SKAP2: variants seen among roughly 807,000 people sequenced by gnomAD.
SKAP2 encodes src kinase associated phosphoprotein 2.
In SKAP2, 28 loss-of-function variants were observed where a neutral mutation model predicts 54.9. The ratio of observed to expected loss-of-function variants is 0.51; its 90% CI spans 0.38 to 0.70. SKAP2 has a LOEUF of 0.70. SKAP2 is among the 30% of genes least tolerant of loss of function. The pLI, the probability that SKAP2 is intolerant of heterozygous loss-of-function variation, is 0.00. For missense variants in SKAP2, 356 were observed against 424.1 expected, an observed-to-expected ratio of 0.84 and a Z score of 1.41; for synonymous variants, 137 against 134.3, an observed-to-expected ratio of 1.02 and a Z score of -0.14.
intron 6 of SKAP2, among the ~76,000 whole-genome samples, chr7:26,735,826 C>T (rs1262305879): frequency 2.0e-5 from 3 of 152,136 alleles, no homozygotes; most frequent in South Asian, 4.2e-4. Flanking sequence ...GGAAGGAAAT[C>T]GGGATCATGC....
At chr7:26,656,881 T>TCCC in the SKAP2 span, among the ~76,000 whole-genome samples, 1 of 151,992 alleles carries the variant, frequency 6.6e-6, no homozygotes. Flanking sequence ...GCACCTATAC[T>TCCC]CCCAGATTAT....
At chr7:26,669,826 G>A (rs1208588159) in intron 12 of SKAP2, among the ~76,000 whole-genome samples, 170 bp from the exon 13 acceptor site, 2 of 152,110 alleles carry the variant, frequency 1.3e-5, no homozygotes, top group Non-Finnish European at 2.9e-5. Flanking sequence ...CTGAAAAGGA[G>A]GAAGTTTGGG....
chr7:26,657,947 A>G, the SKAP2 span, among the ~76,000 whole-genome samples: 1 of 152,136 alleles, frequency 6.6e-6, no homozygotes, highest in African/African-American at 2.4e-5. Context: ...GACACAGGAA[A>G]GTGAACAATA....
chr7:26,662,983 C>T (rs1227702319), downstream of SKAP2, among the ~76,000 whole-genome samples: 1 of 152,090 alleles, frequency 6.6e-6, no homozygotes. Context: ...CTACGGACCA[C>T]AAGCGCTTGA....
At chr7:26,809,107 A>G (rs1229414135) in intron 4 of SKAP2, among the ~76,000 whole-genome samples, 1 of 152,208 alleles carries the variant, frequency 6.6e-6, no homozygotes, top group Non-Finnish European at 1.5e-5. Flanking sequence ...TAGTAGGAAA[A>G]CAAAACTCAA....
chr7:26,799,268 C>G (rs916237618), intron 4 of SKAP2, among the ~76,000 whole-genome samples: 1 of 142,898 alleles, frequency 7.0e-6, no homozygotes, highest in South Asian at 2.3e-4. Flanking sequence ...AAGACACAGA[C>G]GGGCTGAATG....
intron 4 of SKAP2, among the ~76,000 whole-genome samples, chr7:26,804,705 C>G (rs1445938286): frequency 6.7e-6 from 1 of 148,220 alleles, no homozygotes; most frequent in Non-Finnish European, 1.5e-5. Flanking sequence ...CACCACTGCA[C>G]TCCAGCCTGG....
intron 4 of SKAP2, among the ~76,000 whole-genome samples, chr7:26,781,104 C>T (rs1783416546): frequency 6.6e-6 from 1 of 152,066 alleles, no homozygotes; most frequent in Admixed American, 6.6e-5. Flanking sequence ...AGACATTTAT[C>T]CAATCTTACT....
At chr7:26,799,585 A>G (rs1224785734) in intron 4 of SKAP2, among the ~76,000 whole-genome samples, 8 of 152,236 alleles carry the variant, frequency 5.3e-5, no homozygotes, top group Non-Finnish European at 1.0e-4. Flanking sequence ...AGCTAAAGAA[A>G]GAGATAGGCC....
chr7:26,844,009 A>G, intron 4 of SKAP2, 21 bp downstream of exon 4: 1 of 1,411,814 alleles, frequency 7.1e-7, no homozygotes, highest in Non-Finnish European at 1.0e-6. Context: ...TGTCAGAGTT[A>G]CGTGGGAAAA....
intron 4 of SKAP2, among the ~76,000 whole-genome samples, chr7:26,831,216 A>C (rs1784587526): frequency 1.3e-5 from 2 of 152,190 alleles, no homozygotes; most frequent in Admixed American, 6.5e-5. Flanking sequence ...CCTATGTATA[A>C]AATTTTTCCA....
At chr7:26,689,480 A>G (rs1307192791) in intron 10 of SKAP2, among the ~76,000 whole-genome samples, 1 of 152,220 alleles carries the variant, frequency 6.6e-6, no homozygotes, top group African/African-American at 2.4e-5. Context: ...GATTTTGTAC[A>G]GAGTGTGTGC....
intron 4 of SKAP2, among the ~76,000 whole-genome samples, chr7:26,781,677 A>C (rs1783426898): frequency 6.6e-6 from 1 of 152,184 alleles, no homozygotes; most frequent in Non-Finnish European, 1.5e-5. Flanking sequence ...TTAAATCAAC[A>C]GCTAGGACAA....
At chr7:26,714,189 A>G (rs77039102) in intron 9 of SKAP2, among the ~76,000 whole-genome samples, 1,793 of 152,288 alleles carry the variant, frequency 0.012, 34 homozygotes, top group African/African-American at 0.04. Flanking sequence ...GAGAAGCACG[A>G]TTAGGTTGTA....
At chr7:26,772,497 C>G (rs1011024791) in intron 4 of SKAP2, among the ~76,000 whole-genome samples, 2 of 152,182 alleles carry the variant, frequency 1.3e-5, no homozygotes, top group African/African-American at 4.8e-5. Flanking sequence ...TTTTCTGTTC[C>G]TGTGTTAATT....
chr7:26,763,353 T>A (rs970699586), intron 4 of SKAP2, among the ~76,000 whole-genome samples: 1 of 152,080 alleles, frequency 6.6e-6, no homozygotes, highest in African/African-American at 2.4e-5. Context: ...TCCAAGGGAT[T>A]CCAAAAATTT....
intron 1 of SKAP2, among the ~76,000 whole-genome samples, chr7:26,860,109 T>A (rs557143392): frequency 3.2e-4 from 48 of 152,336 alleles, no homozygotes; most frequent in African/African-American, 8.9e-4. Context: ...GCTAATTTTT[T>A]AATATGTTTA....
intron 4 of SKAP2, among the ~76,000 whole-genome samples, chr7:26,751,989 G>A (rs780429505): frequency 1.1e-4 from 16 of 152,092 alleles, no homozygotes; most frequent in Non-Finnish European, 2.1e-4. Context: ...TTAATGTTAG[G>A]AGAATTGGGG....
At position 26,765,335 on chromosome 7, in the gene SKAP2, T is replaced by A. The variant is rs12671724; in HGVS notation, c.308-25371A>T. Among the ~76,000 whole-genome samples the A allele has an allele frequency of 1.7e-4, 26 of 152,308 alleles. No homozygotes were observed. The East Asian group carries it at 4.8e-3, about 28-fold the overall frequency. ...CACTTTTTGATGTTTTTTTTTCTTG[T>A]AAATTTGTTTAAGTTCCTTGTGGAT... On this transcript the variant is annotated intron_variant, in intron 4 of 12. Transcript: ENST00000345317.
Sources: allele counts gnomAD v4.1 joint callset (sites outside exome capture counted in the v4.1 genomes callset), GRCh38; gene constraint gnomAD v4.1.1; transcripts MANE v1.5; gene names NCBI Gene and HGNC (gene_info 2026-07-23, HGNC 2026-07-21).